Variants in YAE1 observed in about 807,000 individuals in gnomAD.
The protein encoded by YAE1 is YAE1 maturation factor of ABCE1, also known as protein YAE1 homolog.
A neutral mutation model predicts 23.0 loss-of-function variants in YAE1; 22 were observed. That is an observed-to-expected ratio of 0.96 (90% CI 0.68 to 1.37). The LOEUF is 1.37. YAE1 is among the 40% of genes most tolerant of loss of function. The pLI, the probability that YAE1 is intolerant of heterozygous loss-of-function variation, is 0.00. For missense variants in YAE1, 260 were observed against 262.1 expected (o/e 0.99, Z 0.06); for synonymous variants, 101 against 97.0 (o/e 1.04, Z -0.24).
chr7:39,569,947 C>T lies in YAE1; in HGVS notation c.130-559C>T, dbSNP rs1359815816. On this transcript the variant is annotated intron_variant, in intron 1 of 2. Transcript: ENST00000223273. ...CCAGTCAGTCCTGGCTGCTCTGTGA[C>T]ATCTACTTTCACAACATTAACCTCA... 13 of 1,322,004 alleles carry T rather than the reference C, an allele frequency of 9.8e-6. No homozygotes were observed. In the East Asian group the frequency reaches 3.0e-4, roughly 31 times the overall value. 81.9% of individuals were successfully genotyped at this position (1,322,004 alleles called of 1,614,324 possible).
At chr7:39,574,276 A>ATC (rs890426678), downstream of YAE1, among the ~76,000 whole-genome samples, 1 of 152,252 alleles carries the variant, frequency 6.6e-6, no homozygotes, top group African/African-American at 2.4e-5. Context: ...GATTGAAAAC[A>ATC]TCTCTCGAAC....
At chr7:39,599,162 C>G (rs1408796349) in intron 2 of YAE1, among the ~76,000 whole-genome samples, 1 of 151,962 alleles carries the variant, frequency 6.6e-6, no homozygotes, top group East Asian at 1.9e-4. Context: ...ATCACTTGAA[C>G]CCAGGAGGCA....
At chr7:39,579,241 C>G (rs1790706330) in intron 2 of YAE1, among the ~76,000 whole-genome samples, 1 of 152,150 alleles carries the variant, frequency 6.6e-6, no homozygotes, top group Non-Finnish European at 1.5e-5. Context: ...ACCAAGAAGG[C>G]TAAGTAATGT....
downstream of YAE1, among the ~76,000 whole-genome samples, chr7:39,576,561 C>A (rs554200851): frequency 4.1e-4 from 62 of 152,310 alleles, no homozygotes; most frequent in African/African-American, 1.4e-3. Flanking sequence ...ATTGCTGACT[C>A]TTCTGCCTAG....
intron 1 of YAE1, chr7:39,569,814 T>G: frequency 1.3e-6 from 1 of 787,990 alleles, no homozygotes; most frequent in Non-Finnish European, 2.3e-6. Flanking sequence ...CCACTCTTTA[T>G]CACTTATAAA....
At chr7:39,570,683 G>A (rs1019244432) in intron 2 of YAE1, 56 bp downstream of exon 2, 20 of 1,533,256 alleles carry the variant, frequency 1.3e-5, no homozygotes, top group Non-Finnish European at 1.7e-5. Context: ...ACTGGAGGAT[G>A]TTTCTGTATA....
intron 1 of YAE1, chr7:39,569,522 A>G (rs1790532229): frequency 2.0e-6 from 1 of 497,260 alleles, no homozygotes; most frequent in Non-Finnish European, 3.9e-6. Context: ...TCAAAGGTTG[A>G]GCAGATTCTG....
At chr7:39,608,790 C>T (rs191927785) in intron 2 of YAE1, among the ~76,000 whole-genome samples, 1 of 152,276 alleles carries the variant, frequency 6.6e-6, no homozygotes, top group Admixed American at 6.5e-5. Flanking sequence ...CTTCAGAAAG[C>T]ATTCAGATAT....
intron 2 of YAE1, among the ~76,000 whole-genome samples, chr7:39,581,886 A>G (rs1790747989): frequency 6.6e-6 from 1 of 152,092 alleles, no homozygotes; most frequent in African/African-American, 2.4e-5. Flanking sequence ...AAAAAATAAA[A>G]AACAAGAAAA....
intron 2 of YAE1, among the ~76,000 whole-genome samples, chr7:39,593,714 G>A (rs541220417): frequency 3.4e-5 from 5 of 149,204 alleles, no homozygotes; most frequent in Admixed American, 1.5e-4. Flanking sequence ...CACCCCAGCC[G>A]CCCAAAATAC....
downstream of YAE1, among the ~76,000 whole-genome samples, chr7:39,610,924 G>A (rs1791204852): frequency 6.6e-6 from 1 of 152,174 alleles, no homozygotes; most frequent in South Asian, 2.1e-4. Context: ...GCCGAGCTGG[G>A]CGGATCGCTT....
At chr7:39,582,808 A>T (rs931738875) in intron 2 of YAE1, among the ~76,000 whole-genome samples, 1 of 152,212 alleles carries the variant, frequency 6.6e-6, no homozygotes, top group South Asian at 2.1e-4. Context: ...GTAACCAGGG[A>T]CAACTTGAGA....
At chr7:39,575,577 A>AGAGAGAGAGAGAGAGAGAGAGAGTGTGT (rs1173016799), downstream of YAE1, among the ~76,000 whole-genome samples, 50 of 80,258 alleles carry the variant, frequency 6.2e-4, no homozygotes, top group East Asian at 0.011. Context: ...AGAGAGAGAG[A>AGAGAGAGAGAGAGAGAGAGAGAGTGTGT]GTGAGTGTGT....
intron 1 of YAE1, among the ~76,000 whole-genome samples, chr7:39,569,117 TAAAC>T (rs1296453204): frequency 6.6e-6 from 1 of 152,212 alleles, no homozygotes; most frequent in Non-Finnish European, 1.5e-5. Context: ...AGGTTATTAT[TAAAC>T]AAATATACAT....
intron 2 of YAE1, chr7:39,571,011 T>G (rs1364354773): frequency 6.1e-6 from 1 of 162,678 alleles, no homozygotes; most frequent in Non-Finnish European, 1.3e-5. Context: ...TTGATTTAAT[T>G]TACTTTAGTC....
At chr7:39,579,425 A>G (rs968130062) in intron 2 of YAE1, among the ~76,000 whole-genome samples, 7 of 152,088 alleles carry the variant, frequency 4.6e-5, no homozygotes, top group African/African-American at 1.7e-4. Context: ...CTATTTTTCT[A>G]TGAGAGGCCG....
At position 39,572,320 on chromosome 7, in the gene YAE1, T is replaced by G. The variant is rs1790581598; in HGVS notation, c.295T>G (p.Leu99Val). The G allele has an allele frequency of 6.2e-7, 1 of 1,613,926 alleles. No individual in the cohort carries two copies. The highest frequency in any genetic ancestry group is 8.5e-7 in the Non-Finnish European group (1 of 1,179,878). ...WCHLHNNNST[L>V]INKINNLLDA... Reference sequence around the variant, plus strand: ...TCACCTTCATAATAATAATTCAACTTTGATCAATAAAATAAACAATCTTCT... The same window carrying G: ...TCACCTTCATAATAATAATTCAACTGTGATCAATAAAATAAACAATCTTCT... Residue 99 changes from leucine to valine, a missense_variant, in exon 3 of 3, where the codon TTG becomes GTG. Transcript: ENST00000223273.
chr7:39,595,943 A>G (rs897086601), intron 2 of YAE1, among the ~76,000 whole-genome samples: 1 of 152,182 alleles, frequency 6.6e-6, no homozygotes, highest in Non-Finnish European at 1.5e-5. Flanking sequence ...TACAGCAGTT[A>G]TTTCTTTCTC....
chr7:39,584,142 A>C (rs985482929), intron 2 of YAE1, among the ~76,000 whole-genome samples: 3 of 151,924 alleles, frequency 2.0e-5, no homozygotes, highest in African/African-American at 7.3e-5. Context: ...ACCACCCCCC[A>C]CCCCATTATT....
Sources: gnomAD v4.1 joint callset for allele counts (sites outside exome capture counted in the v4.1 genomes callset) on GRCh38, gnomAD v4.1.1 for gene constraint, MANE v1.5 for transcripts, NCBI Gene and HGNC (gene_info 2026-07-23, HGNC 2026-07-21) for gene names.